The following MRRF variants were observed in gnomAD, a reference collection of about 807,000 sequenced individuals.
The protein encoded by MRRF is mitochondrial ribosome recycling factor.
In MRRF, 18 loss-of-function variants were observed where a neutral mutation model predicts 25.1. The observed-to-expected ratio is 0.72, with a 90% CI of 0.50 to 1.06. MRRF has a LOEUF of 1.06. MRRF is among the 50% of genes least tolerant of loss of function. The pLI, the probability that MRRF is intolerant of heterozygous loss-of-function variation, is 0.00. For missense variants in MRRF, 323 were observed against 319.3 expected (o/e 1.01, Z -0.09); for synonymous variants, 113 against 112.1 (o/e 1.01, Z -0.05).
intron 1 of MRRF, among the ~76,000 whole-genome samples, chr9:122,267,838 CATT>C (rs541135903): frequency 3.3e-5 from 5 of 152,144 alleles, no homozygotes; most frequent in African/African-American, 9.7e-5. Flanking sequence ...TAGGTATTGT[CATT>C]ATTGTTATCT....
chr9:122,276,381 C>T (rs1832777477), intron 2 of MRRF, among the ~76,000 whole-genome samples: 1 of 152,236 alleles, frequency 6.6e-6, no homozygotes, highest in Non-Finnish European at 1.5e-5. Flanking sequence ...ACCTTGAACT[C>T]CTGGGCTCAA....
intron 6 of MRRF, among the ~76,000 whole-genome samples, chr9:122,319,874 A>T (rs1042734078): frequency 1.8e-4 from 23 of 129,976 alleles, no homozygotes; most frequent in African/African-American, 6.0e-4. Context: ...ATTTTCATTA[A>T]TTTTTTTTTT....
intron 4 of MRRF, chr9:122,286,115 G>A (rs1469938861): frequency 1.6e-6 from 2 of 1,265,308 alleles, no homozygotes; most frequent in Non-Finnish European, 1.0e-6. Flanking sequence ...GTTTGACCTT[G>A]GGCAAGTTGC....
intron 5 of MRRF, among the ~76,000 whole-genome samples, chr9:122,304,314 A>G (rs190867830): frequency 2.6e-5 from 4 of 152,236 alleles, no homozygotes; most frequent in Admixed American, 2.6e-4. Context: ...AGGCCTGGGT[A>G]AGCCTTCATG....
chr9:122,278,399 T>C (rs1230972140), intron 2 of MRRF, among the ~76,000 whole-genome samples: 1 of 152,210 alleles, frequency 6.6e-6, no homozygotes, highest in African/African-American at 2.4e-5. Flanking sequence ...CAGATAACTA[T>C]TATTCTGACT....
At chr9:122,301,126 G>A (rs371577657) in intron 5 of MRRF, among the ~76,000 whole-genome samples, 4 of 152,308 alleles carry the variant, frequency 2.6e-5, no homozygotes, top group African/African-American at 9.6e-5. Flanking sequence ...ATGATAGGAA[G>A]GAGAATGCCA....
chr9:122,291,879 G>C (rs922571644), intron 5 of MRRF, 39 bp downstream of exon 5: 3 of 1,459,268 alleles, frequency 2.1e-6, no homozygotes, highest in Non-Finnish European at 2.9e-6. Context: ...GATGAAACGG[G>C]GTGGTTGTCC....
chr9:122,282,246 C>G (rs1359287430), intron 3 of MRRF, among the ~76,000 whole-genome samples: 1 of 152,218 alleles, frequency 6.6e-6, no homozygotes, highest in African/African-American at 2.4e-5. Context: ...CAATTTCTAT[C>G]TCCCAGATAA....
At chr9:122,317,393 A>C (rs1835599267) in intron 6 of MRRF, among the ~76,000 whole-genome samples, 1 of 152,082 alleles carries the variant, frequency 6.6e-6, no homozygotes, top group South Asian at 2.1e-4. Context: ...AAATCCATAC[A>C]TTTCTGATTT....
intron 5 of MRRF, among the ~76,000 whole-genome samples, chr9:122,299,066 T>A (rs946973265): frequency 6.6e-6 from 1 of 152,010 alleles, no homozygotes; most frequent in Admixed American, 6.6e-5. Context: ...GAGGGCCATG[T>A]GCCTGTAGCA....
chr9:122,299,520 G>A (rs552278114), intron 5 of MRRF, among the ~76,000 whole-genome samples: 1 of 152,208 alleles, frequency 6.6e-6, no homozygotes, highest in Non-Finnish European at 1.5e-5. Flanking sequence ...GAGGACAGAT[G>A]TGGGCTAGAG....
chr9:122,307,589 A>T (rs1384833883), intron 5 of MRRF, among the ~76,000 whole-genome samples: 1 of 152,220 alleles, frequency 6.6e-6, no homozygotes, highest in Non-Finnish European at 1.5e-5. Flanking sequence ...CTTACAATGC[A>T]TACATATTGA....
intron 6 of MRRF, among the ~76,000 whole-genome samples, chr9:122,316,184 T>C (rs1835506037): frequency 1.3e-5 from 2 of 152,124 alleles, no homozygotes; most frequent in African/African-American, 4.8e-5. Context: ...ATTATTTAAA[T>C]GTTTATTTTT....
At chr9:122,276,925 A>G (rs1257961002) in intron 2 of MRRF, among the ~76,000 whole-genome samples, 3 of 152,270 alleles carry the variant, frequency 2.0e-5, no homozygotes, top group South Asian at 4.1e-4. Flanking sequence ...CAGCAGTGCA[A>G]TCACAGCCCA....
chr9:122,271,412 A>G (rs1286751939), intron 2 of MRRF, among the ~76,000 whole-genome samples: 2 of 152,210 alleles, frequency 1.3e-5, no homozygotes, highest in Non-Finnish European at 2.9e-5. Flanking sequence ...CCTTATAGGA[A>G]GATGCATGTT....
chr9:122,313,082 T>TA (rs1208149881), intron 5 of MRRF, 145 bp from the exon 6 acceptor site: 3 of 875,806 alleles, frequency 3.4e-6, no homozygotes, highest in Non-Finnish European at 5.5e-6. Flanking sequence ...ATACATGCGT[T>TA]TTCCTCCTCC....
Position 122,328,444 on chromosome 9 carries a change from T to G in MRRF, c.*5827T>G, listed in dbSNP as rs1206040746. The G allele has an allele frequency of 2.0e-5, 3 of 152,248 alleles. No individual in the cohort carries two copies. The East Asian group carries it at 5.8e-4, about 29-fold the overall frequency. 9.4% of individuals were successfully genotyped at this position (152,248 alleles called of 1,614,324 possible). A position where few individuals can be genotyped will look rare whatever the true frequency, so the allele number is the denominator to read the frequency against. On this transcript the variant is annotated 3_prime_UTR_variant, in exon 7 of 7. Coordinates refer to ENST00000344641, the MANE Select transcript of MRRF (RefSeq NM_138777.5). ...CCATTTATGAATTTATAAATTTGAT[T>G]AGGAACATCATGTTAAGTGGAATCA...
chr9:122,297,263 C>T (rs996041723), intron 5 of MRRF, among the ~76,000 whole-genome samples: 2 of 152,164 alleles, frequency 1.3e-5, no homozygotes, highest in East Asian at 1.9e-4. Context: ...GAGCCGAGAT[C>T]GTGCCATTGC....
intron 5 of MRRF, among the ~76,000 whole-genome samples, chr9:122,311,657 T>C (rs139817577): frequency 1.1e-4 from 16 of 152,336 alleles, no homozygotes; most frequent in African/African-American, 3.8e-4. Context: ...AAATATAACA[T>C]TGTAGTGAAA....
Sources: allele counts gnomAD v4.1 joint callset (sites outside exome capture counted in the v4.1 genomes callset), GRCh38; gene constraint gnomAD v4.1.1; transcripts MANE v1.5; gene names NCBI Gene and HGNC (gene_info 2026-07-23, HGNC 2026-07-21).